Variants in RBM12B observed in about 807,000 individuals in gnomAD.
The protein encoded by RBM12B is RNA binding motif protein 12B.
In RBM12B, 10 loss-of-function variants were observed where a neutral mutation model predicts 34.3. That is an observed-to-expected ratio of 0.29 (90% CI 0.18 to 0.49). The LOEUF is 0.49. Ranked by LOEUF, RBM12B falls within the 20% of genes least tolerant of loss-of-function variation. RBM12B has a pLI of 0.99. For missense variants in RBM12B, 1,139 were observed against 1,262.7 expected (o/e 0.90, Z 1.48); for synonymous variants, 477 against 437.1 (o/e 1.09, Z -1.14).
In RBM12B at chr8:93,736,107, C is replaced by T; in HGVS notation, c.304G>A (p.Gly102Arg). 1.2e-6 allele frequency: 2 copies of T among 1,614,172 alleles called. No homozygotes were observed. Among genetic ancestry groups the T allele is most frequent in the South Asian group, 1.1e-5 (1 of 91,080 alleles). ...GRGRPGSGTS[G>R]VDSLSNFIES... ...ATAAAATTAGACAGGCTGTCAACCC[C>T]TGATGTCCCAGATCCTGGACGCCCT... The change falls in exon 4 of 4, where the codon GGG (glycine) becomes AGG (arginine). Residue 102 changes from glycine (G) to arginine (R), a missense_variant. Gly to Arg is a moderately radical substitution (Grantham distance 125). Transcript: ENST00000520560.
rs913031557 is a variant in RBM12B at position 93,732,300 on chromosome 8, T to C, written c.*1105A>G. The stretch of plus-strand genomic sequence containing the variant: ...GCCTAATAAATGTTAGCCATAAATA[T>C]TATTGTGGGTATAGAAAATCAAATT... On this transcript the variant is annotated 3_prime_UTR_variant, in exon 4 of 4. Coordinates refer to ENST00000520560, the MANE Select transcript of RBM12B (RefSeq NM_001377960.1). The C allele has an allele frequency of 2.6e-5, 4 of 152,222 alleles. No individual in the cohort carries two copies. The highest frequency in any genetic ancestry group is 7.2e-5 in the African/African-American group (3 of 41,464). 9.4% of individuals were successfully genotyped at this position (152,222 alleles called of 1,614,324 possible).
chr8:93,740,255 G>T (rs904279898), intron 2 of RBM12B: 4 of 454,750 alleles, frequency 8.8e-6, no homozygotes, highest in African/African-American at 2.0e-5. Flanking sequence ...GAATCCACAT[G>T]GCACAGGATT....
rs754057902 is a variant in RBM12B, at chr8:93,734,247, G to A, written c.2164C>T (p.His722Tyr). 1.7e-5 allele frequency: 27 copies of A among 1,610,080 alleles called. No individual in the cohort carries two copies. The highest frequency in any genetic ancestry group is 2.3e-5 in the Non-Finnish European group (27 of 1,178,298). The part of the protein sequence containing the change: ...EEDFRQSPQE[H>Y]FRRPPQEHFR... ...TGCTCCTGAGGTGGCCTCCGGAAAT[G>A]CTCCTGGGGTGACTGCCTGAAGTCC... Residue 722 changes from histidine to tyrosine, a missense_variant, in exon 4 of 4, where the codon CAT becomes TAT. Physicochemically the swap from His to Tyr is moderately conservative, Grantham distance 83. Transcript: ENST00000520560.
chr8:93,729,555 G>C lies in RBM12B; in HGVS notation c.*3850C>G, dbSNP rs1811705712. On this transcript the variant is annotated 3_prime_UTR_variant, in exon 4 of 4. Transcript: ENST00000520560. Reference sequence around the variant, plus strand: ...AAAACTGCGTAAAACAGTAATTCTGGAATAAAACATACATTCTGCCTACCT... The same window carrying C: ...AAAACTGCGTAAAACAGTAATTCTGCAATAAAACATACATTCTGCCTACCT... 6.6e-6 allele frequency: 1 copy of C among 152,058 alleles called. No homozygotes were observed. Among genetic ancestry groups the C allele is most frequent in the South Asian group, 2.1e-4 (1 of 4,822 alleles). 9.4% of individuals were successfully genotyped at this position (152,058 alleles called of 1,614,324 possible).
chr8:93,733,351 T>G lies in RBM12B; in HGVS notation c.*54A>C. On this transcript the variant is annotated 3_prime_UTR_variant, in exon 4 of 4. Coordinates refer to ENST00000520560, the MANE Select transcript of RBM12B (RefSeq NM_001377960.1). ...AAAACACTTTTTTAAAACAAATGTATTTTACTCCATCAATACTGCAAGGAA... is the reference window on the plus strand; with the variant it reads ...AAAACACTTTTTTAAAACAAATGTAGTTTACTCCATCAATACTGCAAGGAA... The G allele has an allele frequency of 7.2e-7, 1 of 1,389,154 alleles. No individual in the cohort carries two copies. The highest frequency in any genetic ancestry group is 9.5e-7 in the Non-Finnish European group (1 of 1,055,744). The allele number at this position is 1,389,154 out of a possible 1,614,324, so 86.1% of individuals were successfully genotyped here.
In RBM12B at chr8:93,734,679, C is replaced by G; in HGVS notation, c.1732G>C (p.Asp578His). 1.2e-6 allele frequency: 2 copies of G among 1,613,418 alleles called. No individual in the cohort carries two copies. The highest frequency in any genetic ancestry group is 1.7e-6 in the Non-Finnish European group (2 of 1,179,558). Residue 578 changes from aspartate (D) to histidine (H), a missense_variant, in exon 4 of 4, where the codon GAC (aspartate) becomes CAC (histidine). By Grantham distance (81) the Asp-to-His change is moderately conservative. Coordinates refer to ENST00000520560, the MANE Select transcript of RBM12B (RefSeq NM_001377960.1). ...PPEDFRHSPE[D>H]FRRPREEDFR... is the part of the protein sequence containing the mutation. ...TCTTCCTCCCTAGGTCGCCTGAAGTCCTCTGGGGAGTGCCTGAAGTCCTCC... is the reference window on the plus strand; with the variant it reads ...TCTTCCTCCCTAGGTCGCCTGAAGTGCTCTGGGGAGTGCCTGAAGTCCTCC...
chr8:93,732,007 G>T lies in RBM12B; in HGVS notation c.*1398C>A, dbSNP rs1811810255. On this transcript the variant is annotated 3_prime_UTR_variant, in exon 4 of 4. Transcript: ENST00000520560. ...AGTGAGAAAATAATCATTTATCCTT[G>T]AAAGTATCTTTAGCATGGTCTTCCT... is the stretch of plus-strand genomic sequence containing the variant. 1 of 152,264 alleles carries T rather than the reference G, an allele frequency of 6.6e-6. No homozygotes were observed. Among genetic ancestry groups the T allele is most frequent in the African/African-American group, 2.4e-5 (1 of 41,358 alleles). The allele number at this position is 152,264 out of a possible 1,614,324, so 9.4% of individuals were successfully genotyped here. A position where few individuals can be genotyped will look rare whatever the true frequency, so the allele number is the denominator to read the frequency against.
In RBM12B at chr8:93,736,320, C is replaced by G. The variant is rs770084363; in HGVS notation, c.91G>C (p.Gly31Arg). ...TCCCCTCCAATTATATGCACTCCTC[C>G]ATCAGGAATAGTCAATCCCGTGAAG... ...HFFTGLTIPD[G>R]GVHIIGGEIG... is the part of the protein sequence containing the mutation. Residue 31 changes from glycine (G) to arginine (R), a missense_variant, in exon 4 of 4, where the codon GGA (glycine) becomes CGA (arginine). Transcript: ENST00000520560. 6.2e-7 allele frequency: 1 copy of G among 1,613,964 alleles called. No homozygotes were observed. The highest frequency in any genetic ancestry group is 8.5e-7 in the Non-Finnish European group (1 of 1,180,026).
intron 1 of RBM12B, 50 bp downstream of exon 1, chr8:93,740,830 AC>A (rs1235331765): frequency 1.3e-5 from 4 of 311,536 alleles, no homozygotes; most frequent in Non-Finnish European, 2.5e-5. Context: ...AGCCCTCCCC[AC>A]CCCCGGCGCC....
In RBM12B at chr8:93,735,237, G is replaced by C. The variant is rs779552260; in HGVS notation, c.1174C>G (p.Gln392Glu). The stretch of plus-strand genomic sequence containing the variant: ...AGTTTCTGGCCAGAGTTACCTTCTT[G>C]AGAGTATTTTTGTGAAACATGTCCG... Reference protein sequence around the residue: ...RPGHVSQKYSQEGNSGQKLCI... With the variant: ...RPGHVSQKYSEEGNSGQKLCI... The change falls in exon 4 of 4, where the codon CAA becomes GAA. Residue 392 changes from glutamine to glutamate, a missense_variant. Coordinates refer to ENST00000520560, the MANE Select transcript of RBM12B (RefSeq NM_001377960.1). The C allele has an allele frequency of 5.0e-6, 8 of 1,613,900 alleles. No individual in the cohort carries two copies. The African/African-American group carries it at 5.3e-5, about 11-fold the overall frequency.
Position 93,735,189 on chromosome 8 carries a change from G to C in RBM12B, c.1222C>G (p.Pro408Ala). 4 of 1,614,062 alleles carry C rather than the reference G, an allele frequency of 2.5e-6. No individual in the cohort carries two copies. The highest frequency in any genetic ancestry group is 3.4e-6 in the Non-Finnish European group (4 of 1,180,024). Residue 408 changes from proline (P) to alanine (A), a missense_variant, in exon 4 of 4, where the codon CCA becomes GCA. Physicochemically the swap from Pro to Ala is conservative, Grantham distance 27. Transcript: ENST00000520560. ...ACTTCAACTTTTGTAACATCAAATG[G>C]AAAATTTCTTATATAGATGCACAGT... ...QKLCIYIRNF[P>A]FDVTKVEVQK...
In RBM12B at chr8:93,734,978, G is replaced by C. The variant is rs1167665214; in HGVS notation, c.1433C>G (p.Ala478Gly). The C allele has an allele frequency of 6.2e-7, 1 of 1,614,084 alleles. No individual in the cohort carries two copies. Among genetic ancestry groups the C allele is most frequent in the Admixed American group, 1.7e-5 (1 of 60,018 alleles). The change falls in exon 4 of 4, where the codon GCA becomes GGA. Residue 478 changes from alanine to glycine, a missense_variant. By Grantham distance (60) the Ala-to-Gly change is moderately conservative. This residue lies in a region of RBM12B where 863 missense variants were observed against 869.5 expected (regional missense o/e 0.99). Transcript: ENST00000520560. ...TEVLLRLISE[A>G]QIQEFGVNFS... ...ATTTACACCAAACTCCTGTATTTGT[G>C]CCTCAGATATAAGTCTTAATAACAC...
Position 93,735,902 on chromosome 8 carries a change from T to C in RBM12B, c.509A>G (p.Asp170Gly), listed in dbSNP as rs747651584. 8 of 1,614,032 alleles carry C rather than the reference T, an allele frequency of 5.0e-6. No individual in the cohort carries two copies. The highest frequency in any genetic ancestry group is 6.8e-6 in the Non-Finnish European group (8 of 1,180,052). ...CAAACCAGAGAAAAAGACACGTACA[T>C]CATCTTCATTTACTAGGTAAGGCAA... is the stretch of plus-strand genomic sequence containing the variant. ...RGLPYLVNED[D>G]VRVFFSGLCV... is the part of the protein sequence containing the mutation. Residue 170 changes from aspartate to glycine, a missense_variant, in exon 4 of 4, where the codon GAT becomes GGT. Asp to Gly is a moderately conservative substitution (Grantham distance 94, BLOSUM62 -1). Coordinates refer to ENST00000520560, the MANE Select transcript of RBM12B (RefSeq NM_001377960.1).
chr8:93,735,653 T>C lies in RBM12B; in HGVS notation c.758A>G (p.His253Arg). The change falls in exon 4 of 4, where the codon CAT (histidine) becomes CGT (arginine). Residue 253 changes from histidine (H) to arginine (R), a missense_variant. Physicochemically the swap from His to Arg is conservative, Grantham distance 29. Around this residue, in one of 3 missense-constraint regions of RBM12B, gnomAD observed 863 missense variants for 869.5 expected, o/e 0.99. Coordinates refer to ENST00000520560, the MANE Select transcript of RBM12B (RefSeq NM_001377960.1). Reference protein sequence around the residue: ...EGDVLRRSEEHSPPRGINDRH... With the variant: ...EGDVLRRSEERSPPRGINDRH... ...ATCATTAATTCCTCTTGGTGGAGAA[T>C]GTTCTTCAGATCTCCTAAGAACGTC... The C allele has an allele frequency of 1.2e-6, 2 of 1,614,120 alleles. No homozygotes were observed. The highest frequency in any genetic ancestry group is 1.7e-6 in the Non-Finnish European group (2 of 1,179,974).
In RBM12B at chr8:93,733,652, C is replaced by G. The variant is rs534891432; in HGVS notation, c.2759G>C (p.Gly920Ala). ...CTTAATAGGAGTTACTCTACCTGAA[C>G]CACAATTTATTTTTGGATCAGGCAT... Reference protein sequence around the residue: ...RFMPDPKINCGSGRVTPIKIM... With the variant: ...RFMPDPKINCASGRVTPIKIM... Residue 920 changes from glycine to alanine, a missense_variant, in exon 4 of 4, where the codon GGT becomes GCT. Physicochemically the swap from Gly to Ala is moderately conservative, Grantham distance 60. This residue lies in a region of RBM12B where 60 missense variants were observed against 101.0 expected (regional missense o/e 0.59). Transcript: ENST00000520560. 1.2e-6 allele frequency: 2 copies of G among 1,613,998 alleles called. No homozygotes were observed. The highest frequency in any genetic ancestry group is 2.2e-5 in the South Asian group (2 of 91,082).
Position 93,728,910 on chromosome 8 carries a change from AC to A in RBM12B, c.*4494del, listed in dbSNP as rs1811674600. On this transcript the variant is annotated 3_prime_UTR_variant, in exon 4 of 4. Coordinates refer to ENST00000520560, the MANE Select transcript of RBM12B (RefSeq NM_001377960.1). ...CATTCAATCTGACTCTGGTTTTAAA[AC>A]AAAACTGCTGTCATAATTATACATG... 6.6e-6 allele frequency: 1 copy of A among 152,106 alleles called. No homozygotes were observed. The allele number at this position is 152,106 out of a possible 1,614,324, so 9.4% of individuals were successfully genotyped here. A position where few individuals can be genotyped will look rare whatever the true frequency, so the allele number is the denominator to read the frequency against.
chr8:93,737,872 AC>A (rs1267045683), intron 2 of RBM12B, among the ~76,000 whole-genome samples: 1 of 151,748 alleles, frequency 6.6e-6, no homozygotes, highest in Non-Finnish European at 1.5e-5. Context: ...AAAATCTAGT[AC>A]ATATTTATAT....
In RBM12B at chr8:93,729,884, A is replaced by G. The variant is rs536517847; in HGVS notation, c.*3521T>C. 71 of 152,302 alleles carry G rather than the reference A, an allele frequency of 4.7e-4. No individual in the cohort carries two copies. The highest frequency in any genetic ancestry group is 1.7e-3 in the African/African-American group (71 of 41,566). 9.4% of individuals were successfully genotyped at this position (152,302 alleles called of 1,614,324 possible). ...TGTAAGTCTCCATCTCTTATCTCCA[A>G]AATAGGAATACAAATTGAGTATCCT... On this transcript the variant is annotated 3_prime_UTR_variant, in exon 4 of 4. Transcript: ENST00000520560.
At chr8:93,737,445 C>T (rs1267986337) in intron 2 of RBM12B, 90 bp from the exon 3 acceptor site, 2 of 152,082 alleles carry the variant, frequency 1.3e-5, no homozygotes, top group East Asian at 3.9e-4. Flanking sequence ...TCAGAATTAC[C>T]TATCAAAAGT....
Sources: gnomAD v4.1 joint callset for allele counts (sites outside exome capture counted in the v4.1 genomes callset) on GRCh38, gnomAD v4.1.1 for gene constraint, gnomAD v4.1.1 regional missense constraint, MANE v1.5 for transcripts, NCBI Gene and HGNC (gene_info 2026-07-23, HGNC 2026-07-21) for gene names.